GALNT17: variants seen among roughly 807,000 people sequenced by gnomAD.
GALNT17 encodes UDP-GalNAc:polypeptide N-acetylgalactosaminyltransferase-like 3.
Under a neutral mutation model 63.7 loss-of-function variants are expected in GALNT17, and 29 were observed. The observed-to-expected ratio is 0.46, with a 90% confidence interval of 0.34 to 0.62. GALNT17 has a LOEUF of 0.62. Among genes scored for constraint, GALNT17 ranks in the 20% least tolerant of loss-of-function variants. The probability of loss-of-function intolerance (pLI) is 0.01; values close to 1 mark genes in which losing one functional copy is unlikely to be tolerated. For synonymous variants in GALNT17, 305 were observed against 318.3 expected (o/e 0.96, Z 0.45); for missense variants, 603 against 799.6 (o/e 0.75, Z 2.97).
chr7:71,451,537 C>G (rs1488856393), intron 5 of GALNT17, among the ~76,000 whole-genome samples: 1 of 152,070 alleles, frequency 6.6e-6, no homozygotes, highest in Non-Finnish European at 1.5e-5. Flanking sequence ...CTCGGTTCCC[C>G]TCTTTCCTTA....
chr7:71,677,918 G>A (rs1369481911), intron 9 of GALNT17, among the ~76,000 whole-genome samples: 1 of 151,956 alleles, frequency 6.6e-6, no homozygotes, highest in Non-Finnish European at 1.5e-5. Flanking sequence ...TGTCCAGATG[G>A]ATACTCACCC....
intron 1 of GALNT17, among the ~76,000 whole-genome samples, chr7:71,162,101 C>CCTTCCTCCCTCCCTCCT (rs1562875582): frequency 1.2e-5 from 1 of 85,918 alleles, no homozygotes; most frequent in Non-Finnish European, 2.3e-5. Flanking sequence ...CCCTCCCTCC[C>CCTTCCTCCCTCCCTCCT]TTCCTTCCTC....
chr7:71,397,437 C>A lies in GALNT17; in HGVS notation c.589+9036C>A, dbSNP rs186064780. On this transcript the variant is annotated intron_variant, in intron 3 of 10. Coordinates refer to ENST00000333538, the MANE Select transcript of GALNT17 (RefSeq NM_022479.3). ...AAAGCAGAACATGTCTTGAGAGATA[C>A]GAGATATGATACAGTGAATGTCTTC... is the stretch of plus-strand genomic sequence containing the variant. Among the ~76,000 whole-genome samples the A allele has an allele frequency of 4.2e-3, 638 of 152,112 alleles. 4 individuals are homozygous for A. Among genetic ancestry groups the A allele is most frequent in the Non-Finnish European group, 7.0e-3 (474 of 67,996 alleles).
At chr7:71,335,796 C>T (rs1475841199) in intron 2 of GALNT17, 63 bp downstream of exon 2, 5 of 1,296,572 alleles carry the variant, frequency 3.9e-6, no homozygotes, top group African/African-American at 3.0e-5. Context: ...TAGACCCCTA[C>T]GTTTGTGATA....
At chr7:71,521,503 T>C (rs1788529782) in intron 5 of GALNT17, among the ~76,000 whole-genome samples, 1 of 152,246 alleles carries the variant, frequency 6.6e-6, no homozygotes, top group African/African-American at 2.4e-5. Flanking sequence ...CCTTCTCTGT[T>C]GAAGGGCTTG....
At chr7:71,575,814 G>A (rs1393381215) in intron 6 of GALNT17, among the ~76,000 whole-genome samples, 1 of 152,082 alleles carries the variant, frequency 6.6e-6, no homozygotes, top group Admixed American at 6.6e-5. Context: ...AGAATAGAAA[G>A]TCTTACTGTG....
chr7:71,133,288 T>G (rs751870855), intron 1 of GALNT17, among the ~76,000 whole-genome samples: 2 of 152,178 alleles, frequency 1.3e-5, no homozygotes, highest in Non-Finnish European at 2.9e-5. Context: ...GTCAGTACAG[T>G]TGGCTCCCGG....
At position 71,170,554 on chromosome 7, in the gene GALNT17, T is replaced by C. The variant is rs573708340; in HGVS notation, c.238+37514T>C. On this transcript the variant is annotated intron_variant, in intron 1 of 10. Coordinates refer to ENST00000333538, the MANE Select transcript of GALNT17 (RefSeq NM_022479.3). Reference sequence around the variant, plus strand: ...TTTCACTATGTTGGCTAGGCTGGTTTTGAACTCCTGACCTCAGGAGATCCT... The same window carrying C: ...TTTCACTATGTTGGCTAGGCTGGTTCTGAACTCCTGACCTCAGGAGATCCT... Among the ~76,000 whole-genome samples the C allele has an allele frequency of 2.1e-4, 32 of 152,264 alleles. 2 individuals carry two copies. The Middle Eastern group carries it at 0.01, about 49-fold the overall frequency.
At chr7:71,226,335 CG>C (rs1161107865) in intron 1 of GALNT17, among the ~76,000 whole-genome samples, 9 of 152,086 alleles carry the variant, frequency 5.9e-5, no homozygotes, top group African/African-American at 2.2e-4. Context: ...CTGGGAACCC[CG>C]GGGTGGAGAC....
chr7:71,665,841 C>T (rs1408841853), intron 7 of GALNT17, among the ~76,000 whole-genome samples: 2 of 152,078 alleles, frequency 1.3e-5, no homozygotes, highest in Admixed American at 6.6e-5. Context: ...GTGTTAATCC[C>T]AGTCTTATTA....
intron 6 of GALNT17, among the ~76,000 whole-genome samples, chr7:71,624,068 T>C (rs138011269): frequency 6.6e-6 from 1 of 152,284 alleles, no homozygotes; most frequent in African/African-American, 2.4e-5. Flanking sequence ...GGCTCTGTTT[T>C]ATGGCTTTGC....
chr7:71,517,096 C>A (rs150840812), intron 5 of GALNT17, among the ~76,000 whole-genome samples: 2 of 152,106 alleles, frequency 1.3e-5, no homozygotes, highest in African/African-American at 4.8e-5. Context: ...CTTAGGCGAC[C>A]GTAACAAAAA....
intron 2 of GALNT17, among the ~76,000 whole-genome samples, chr7:71,365,553 T>G (rs1792488662): frequency 6.6e-6 from 1 of 152,212 alleles, no homozygotes; most frequent in Non-Finnish European, 1.5e-5. Context: ...AGGAATAGTT[T>G]TAATCTGTTG....
At chr7:71,706,917 G>A (rs542168603) in intron 9 of GALNT17, among the ~76,000 whole-genome samples, 1 of 152,274 alleles carries the variant, frequency 6.6e-6, no homozygotes, top group Admixed American at 6.5e-5. Context: ...TGGAGGAGGT[G>A]GGGTTCTCCT....
At chr7:71,703,881 T>G (rs1478345446) in intron 9 of GALNT17, among the ~76,000 whole-genome samples, 1 of 151,712 alleles carries the variant, frequency 6.6e-6, no homozygotes, top group Non-Finnish European at 1.5e-5. Flanking sequence ...GAGACAACTT[T>G]TCAACAAAAT....
At chr7:71,153,963 A>G (rs965003996) in intron 1 of GALNT17, among the ~76,000 whole-genome samples, 4 of 152,024 alleles carry the variant, frequency 2.6e-5, no homozygotes, top group African/African-American at 9.7e-5. Flanking sequence ...ATAAAAATGT[A>G]TCTGCAAATT....
intron 1 of GALNT17, among the ~76,000 whole-genome samples, chr7:71,316,300 G>T (rs1791499500): frequency 6.6e-6 from 1 of 151,962 alleles, no homozygotes; most frequent in Non-Finnish European, 1.5e-5. Context: ...ATCAGAGGGA[G>T]AATGGAACAG....
chr7:71,227,891 G>A (rs886450833), intron 1 of GALNT17, among the ~76,000 whole-genome samples: 22 of 152,052 alleles, frequency 1.4e-4, no homozygotes, highest in Admixed American at 1.4e-3. Flanking sequence ...AGATTCTGCC[G>A]GTCGTGGCAT....
chr7:71,277,138 C>A (rs1790696785), intron 1 of GALNT17, among the ~76,000 whole-genome samples: 1 of 152,090 alleles, frequency 6.6e-6, no homozygotes, highest in Non-Finnish European at 1.5e-5. Flanking sequence ...TTATATACAC[C>A]ATGGAATACT....
Sources: gnomAD v4.1 joint callset for allele counts (sites outside exome capture counted in the v4.1 genomes callset) on GRCh38, gnomAD v4.1.1 for gene constraint, MANE v1.5 for transcripts, NCBI Gene and HGNC (gene_info 2026-07-23, HGNC 2026-07-21) for gene names.